The following VAPA variants were observed in gnomAD, a reference collection of about 807,000 sequenced individuals.
The protein encoded by VAPA is VAMP associated protein A.
VAPA carries 6 observed loss-of-function variants against 25.6 expected under a neutral mutation model. The observed-to-expected ratio is 0.23, with a 90% CI of 0.13 to 0.46. The LOEUF (loss-of-function observed/expected upper bound fraction) is 0.46. VAPA is among the 20% of genes least tolerant of loss of function. The probability of loss-of-function intolerance (pLI) is 0.99; values close to 1 mark genes in which losing one functional copy is unlikely to be tolerated. For synonymous variants in VAPA, 112 were observed against 106.2 expected (o/e 1.05, Z -0.34); for missense variants, 244 against 302.1 (o/e 0.81, Z 1.43).
chr18:9,953,409 T>C (rs1241819095), intron 5 of VAPA, among the ~76,000 whole-genome samples: 1 of 152,256 alleles, frequency 6.6e-6, no homozygotes, highest in African/African-American at 2.4e-5. Context: ...GCTACCACTT[T>C]ACACACAGCC....
intron 1 of VAPA, among the ~76,000 whole-genome samples, chr18:9,916,850 T>G (rs553122156): frequency 1.2e-4 from 18 of 152,352 alleles, no homozygotes; most frequent in Admixed American, 7.8e-4. Flanking sequence ...TTTTAGTTAT[T>G]GATTCTGAGT....
chr18:9,936,892 C>T (rs1022819064), intron 3 of VAPA, 94 bp from the exon 4 acceptor site: 5 of 1,019,806 alleles, frequency 4.9e-6, no homozygotes, highest in Non-Finnish European at 7.5e-6. Context: ...CCAAGCCAGG[C>T]AGCTTCACTC....
Position 9,914,215 on chromosome 18 carries a change from A to G in VAPA, c.-42A>G. On this transcript the variant is annotated 5_prime_UTR_variant, in exon 1 of 6. Coordinates refer to ENST00000400000, the MANE Select transcript of VAPA (RefSeq NM_194434.3). The stretch of plus-strand genomic sequence containing the variant: ...GTCGTCCCCCGCCCCCAGTCAGCAA[A>G]CCGCCGCCGCGGGCGCGCCCCCGCT... The G allele has an allele frequency of 1.3e-6, 2 of 1,545,290 alleles. No individual in the cohort carries two copies. Among genetic ancestry groups the G allele is most frequent in the East Asian group, 2.7e-5 (1 of 37,126 alleles).
rs574194535 is a variant in VAPA at position 9,944,194 on chromosome 18, A to G, written c.418-6201A>G. On this transcript the variant is annotated intron_variant, in intron 4 of 5. Transcript: ENST00000400000. ...AGAAAAAAATACTGATTTTTTTTAA[A>G]TGAAGACTGAGGGGCTGTAAAGAAC... Among the ~76,000 whole-genome samples, 7 of 152,214 alleles carry G rather than the reference A, an allele frequency of 4.6e-5. No individual in the cohort carries two copies. The East Asian group carries it at 1.4e-3, about 29-fold the overall frequency.
At position 9,951,555 on chromosome 18, in the gene VAPA, A is replaced by G. The variant is rs555905728; in HGVS notation, c.591+987A>G. 1.6e-4 allele frequency among the ~76,000 whole-genome samples: 24 copies of G among 152,356 alleles called. No homozygotes were observed. The South Asian group carries it at 5.0e-3, about 32-fold the overall frequency. ...TCATGTATTTGATTGAATTAAATGG[A>G]TGGCGAAGGAGGACTGATTTGAATA... is the stretch of plus-strand genomic sequence containing the variant. On this transcript the variant is annotated intron_variant, in intron 5 of 5. Transcript: ENST00000400000.
intron 2 of VAPA, among the ~76,000 whole-genome samples, chr18:9,933,263 T>A (rs986832079): frequency 6.6e-6 from 1 of 152,080 alleles, no homozygotes; most frequent in African/African-American, 2.4e-5. Context: ...GGAGCCTGAC[T>A]ACAAAGGCCA....
intron 4 of VAPA, among the ~76,000 whole-genome samples, chr18:9,946,236 T>G (rs963380117): frequency 4.9e-4 from 75 of 152,360 alleles, no homozygotes; most frequent in African/African-American, 1.8e-3. Flanking sequence ...ATGTGTTGTA[T>G]AAACATCATA....
chr18:9,922,137 A>G (rs776835190), intron 1 of VAPA, among the ~76,000 whole-genome samples: 5 of 151,848 alleles, frequency 3.3e-5, no homozygotes, highest in Non-Finnish European at 7.4e-5. Flanking sequence ...GCTAATTATT[A>G]TATGTTTTAT....
At chr18:9,953,905 C>A (rs1426067578) in intron 5 of VAPA, 148 bp from the exon 6 acceptor site, 7 of 869,134 alleles carry the variant, frequency 8.1e-6, no homozygotes, top group Non-Finnish European at 1.2e-5. Context: ...CGGAAAGTTT[C>A]CTTATGTGGT....
rs2069522638 is a variant in VAPA, at chr18:9,954,362, AC to A, written c.*152del. On this transcript the variant is annotated 3_prime_UTR_variant, in exon 6 of 6. Coordinates refer to ENST00000400000, the MANE Select transcript of VAPA (RefSeq NM_194434.3). ...TAGGCTTTGCCTTTAATGATCTCTT[AC>A]GGTTAGAAAACACAATAAAAACAAA... The A allele has an allele frequency of 1.5e-6, 1 of 661,902 alleles. No homozygotes were observed. Among genetic ancestry groups the A allele is most frequent in the Admixed American group, 3.1e-5 (1 of 32,248 alleles). 41.0% of individuals were successfully genotyped at this position (661,902 alleles called of 1,614,324 possible). A position where few individuals can be genotyped will look rare whatever the true frequency, so the allele number is the denominator to read the frequency against.
rs1357433575 is a variant in VAPA, at chr18:9,914,158, T to G, written c.-99T>G. 1.8e-6 allele frequency: 2 copies of G among 1,093,884 alleles called. No homozygotes were observed. Among genetic ancestry groups the G allele is most frequent in the Non-Finnish European group, 2.6e-6 (2 of 780,240 alleles). The allele number at this position is 1,093,884 out of a possible 1,614,324, so 67.8% of individuals were successfully genotyped here. On this transcript the variant is annotated 5_prime_UTR_variant, in exon 1 of 6. Coordinates refer to ENST00000400000, the MANE Select transcript of VAPA (RefSeq NM_194434.3). ...GGGCTCGGGAGCCGCGAGCCTGGCC[T>G]CGTCCTAGAGCTCGGCCGAGCCGTC...
chr18:9,927,546 A>C (rs946044025), intron 1 of VAPA, among the ~76,000 whole-genome samples: 2 of 151,782 alleles, frequency 1.3e-5, no homozygotes, highest in African/African-American at 4.8e-5. Flanking sequence ...TTGGAGAATA[A>C]AGGTCCCGCT....
chr18:9,959,498 A>G lies in VAPA; in HGVS notation c.*5287A>G, dbSNP rs1322426860. On this transcript the variant is annotated 3_prime_UTR_variant, in exon 6 of 6. Coordinates refer to ENST00000400000, the MANE Select transcript of VAPA (RefSeq NM_194434.3). ...TATGGAAATGGCTTATGTAACCTACAAGACTGGAGAACAGAATGTGACTGG... is the reference window on the plus strand; with the variant it reads ...TATGGAAATGGCTTATGTAACCTACGAGACTGGAGAACAGAATGTGACTGG... 1 of 152,164 alleles carries G rather than the reference A, an allele frequency of 6.6e-6. No individual in the cohort carries two copies. The highest frequency in any genetic ancestry group is 1.5e-5 in the Non-Finnish European group (1 of 68,020). 9.4% of individuals were successfully genotyped at this position (152,164 alleles called of 1,614,324 possible).
rs143364182 is a variant in VAPA, at chr18:9,945,150, A to G, written c.418-5245A>G. On this transcript the variant is annotated intron_variant, in intron 4 of 5. Coordinates refer to ENST00000400000, the MANE Select transcript of VAPA (RefSeq NM_194434.3). ...CTAGCAGATAAGTGGTATTGTGAGTATGTTGTATGAAGTAGATAGAATTGA... is the reference window on the plus strand; with the variant it reads ...CTAGCAGATAAGTGGTATTGTGAGTGTGTTGTATGAAGTAGATAGAATTGA... The G allele has an allele frequency of 1.9e-4, 275 of 1,424,380 alleles. 1 individual carries two copies. In the African/African-American group the frequency reaches 3.6e-3, roughly 19 times the overall value. 88.2% of individuals were successfully genotyped at this position (1,424,380 alleles called of 1,614,324 possible).
chr18:9,921,874 TATG>T (rs1304291743), intron 1 of VAPA, among the ~76,000 whole-genome samples: 1 of 152,218 alleles, frequency 6.6e-6, no homozygotes, highest in Non-Finnish European at 1.5e-5. Context: ...CACCTTATAA[TATG>T]AACCTCAGTA....
At chr18:9,948,189 TTCTAA>T (rs2069446416) in intron 4 of VAPA, 1 of 152,182 alleles carries the variant, frequency 6.6e-6, no homozygotes, top group East Asian at 1.9e-4. Context: ...CTTAGATAAA[TTCTAA>T]TCTAATTCCA....
Position 9,956,759 on chromosome 18 carries a change from T to C in VAPA, c.*2548T>C, listed in dbSNP as rs1033165942. 8 of 152,502 alleles carry C rather than the reference T, an allele frequency of 5.2e-5. No individual in the cohort carries two copies. Among genetic ancestry groups the C allele is most frequent in the Admixed American group, 2.6e-4 (4 of 15,288 alleles). 9.4% of individuals were successfully genotyped at this position (152,502 alleles called of 1,614,324 possible). A position where few individuals can be genotyped will look rare whatever the true frequency, so the allele number is the denominator to read the frequency against. ...TATATGTTTAGAAGTTTTTGCTTTG[T>C]CTGCCTGCTTACTTGTATATGTAAG... On this transcript the variant is annotated 3_prime_UTR_variant, in exon 6 of 6. Coordinates refer to ENST00000400000, the MANE Select transcript of VAPA (RefSeq NM_194434.3).
Position 9,950,465 on chromosome 18 carries a change from A to T in VAPA, c.488A>T (p.His163Leu), listed in dbSNP as rs749396937. The T allele has an allele frequency of 8.7e-6, 14 of 1,614,146 alleles. No homozygotes were observed. The highest frequency in any genetic ancestry group is 1.2e-5 in the Non-Finnish European group (14 of 1,179,998). The change falls in exon 5 of 6, where the codon CAC (histidine) becomes CTC (leucine). Residue 163 changes from histidine (H) to leucine (L), a missense_variant. Physicochemically the swap from His to Leu is moderately conservative, Grantham distance 99 (BLOSUM62 -3). Transcript: ENST00000400000. Reference protein sequence around the residue: ...SKQDGPMPKPHSVSLNDTETR... With the variant: ...SKQDGPMPKPLSVSLNDTETR... ...CAAGATGGACCTATGCCAAAACCAC[A>T]CAGTGTTTCACTTAATGATACCGAA... is the stretch of plus-strand genomic sequence containing the variant.
At chr18:9,946,955 AACTT>A (rs1331252084) in intron 4 of VAPA, among the ~76,000 whole-genome samples, 2 of 152,204 alleles carry the variant, frequency 1.3e-5, no homozygotes, top group Non-Finnish European at 2.9e-5. Flanking sequence ...TTTTTAAAAA[AACTT>A]CTTTTCTTAA....
Sources: gnomAD v4.1 joint callset for allele counts (sites outside exome capture counted in the v4.1 genomes callset) on GRCh38, gnomAD v4.1.1 for gene constraint, MANE v1.5 for transcripts, NCBI Gene and HGNC (gene_info 2026-07-23, HGNC 2026-07-21) for gene names.